The following CDH13 variants were observed in gnomAD, a reference collection of about 807,000 sequenced individuals.
CDH13 encodes cadherin-13.
A neutral mutation model predicts 63.8 loss-of-function variants in CDH13; 24 were observed. The ratio of observed to expected loss-of-function variants is 0.38; its 90% CI spans 0.27 to 0.53. The LOEUF is 0.53. Ranked by LOEUF, CDH13 falls within the 20% of genes least tolerant of loss-of-function variation. The pLI, the probability that CDH13 is intolerant of heterozygous loss-of-function variation, is 0.85. For synonymous variants in CDH13, 503 were observed against 355.3 expected (o/e 1.42, Z -4.67); for missense variants, 1,049 against 903.1 (o/e 1.16, Z -2.07).
chr16:82,742,044 G>T (rs1232804167), intron 1 of CDH13, among the ~76,000 whole-genome samples: 1 of 152,114 alleles, frequency 6.6e-6, no homozygotes, highest in East Asian at 1.9e-4. Flanking sequence ...TACAATATCA[G>T]CCCGGTTATA....
chr16:83,026,827 C>A (rs1351401068), intron 2 of CDH13, among the ~76,000 whole-genome samples: 1 of 152,122 alleles, frequency 6.6e-6, no homozygotes, highest in Non-Finnish European at 1.5e-5. Flanking sequence ...TCCAACCATT[C>A]TTTGGGGCTA....
chr16:83,051,249 A>G (rs2030302692), intron 3 of CDH13, among the ~76,000 whole-genome samples: 1 of 152,114 alleles, frequency 6.6e-6, no homozygotes, highest in South Asian at 2.1e-4. Flanking sequence ...CATTCATGTG[A>G]TTCTCCTACC....
At chr16:83,010,051 C>T (rs1913962298) in intron 2 of CDH13, among the ~76,000 whole-genome samples, 1 of 147,002 alleles carries the variant, frequency 6.8e-6, no homozygotes, top group Non-Finnish European at 1.5e-5. Flanking sequence ...AGGAGAATCA[C>T]TTCAACCCAG....
At chr16:83,171,279 G>A (rs185662011) in intron 4 of CDH13, among the ~76,000 whole-genome samples, 2 of 152,198 alleles carry the variant, frequency 1.3e-5, no homozygotes, top group African/African-American at 4.8e-5. Context: ...CACTTTTAAA[G>A]GACCAGATCT....
intron 1 of CDH13, among the ~76,000 whole-genome samples, chr16:82,667,049 C>A (rs568679221): frequency 1.3e-5 from 2 of 152,308 alleles, no homozygotes; most frequent in African/African-American, 4.8e-5. Context: ...TCTCTCCAAA[C>A]TGACAAAGGA....
chr16:83,483,576 G>A (rs2073821980), intron 6 of CDH13, among the ~76,000 whole-genome samples: 1 of 151,656 alleles, frequency 6.6e-6, no homozygotes, highest in South Asian at 2.1e-4. Context: ...GATTAAATAG[G>A]GCACAAATCC....
Position 83,800,412 on chromosome 16 carries a change from A to C in CDH13, c.*5382A>C, listed in dbSNP as rs778726598. ...ATTTTATGTATCCCCCCAGATAAAA[A>C]TTTTAAGAAATTTTAAATGCTTTTT... On this transcript the variant is annotated 3_prime_UTR_variant, in exon 14 of 14. Transcript: ENST00000567109. 6.6e-6 allele frequency: 1 copy of C among 152,200 alleles called. No individual in the cohort carries two copies. The highest frequency in any genetic ancestry group is 1.5e-5 in the Non-Finnish European group (1 of 68,024). The allele number at this position is 152,200 out of a possible 1,614,324, so 9.4% of individuals were successfully genotyped here.
chr16:83,606,422 G>A lies in CDH13; in HGVS notation c.1101+3828G>A, dbSNP rs76404856. The stretch of plus-strand genomic sequence containing the variant: ...AAATAACACTGTTGAACAAAATAGA[G>A]GTAGTTTCTCTCACTTAAAAGTTTG... On this transcript the variant is annotated intron_variant, in intron 8 of 13. Coordinates refer to ENST00000567109, the MANE Select transcript of CDH13 (RefSeq NM_001257.5). Among the ~76,000 whole-genome samples, 1,515 of 152,208 alleles carry A rather than the reference G, an allele frequency of 1.0e-2. 25 individuals carry two copies. The highest frequency in any genetic ancestry group is 0.035 in the African/African-American group (1,454 of 41,522).
At chr16:82,951,237 C>T (rs985247820) in intron 2 of CDH13, among the ~76,000 whole-genome samples, 1 of 152,122 alleles carries the variant, frequency 6.6e-6, no homozygotes, top group Non-Finnish European at 1.5e-5. Flanking sequence ...AGGATATCTC[C>T]TTCCCCCACA....
intron 10 of CDH13, among the ~76,000 whole-genome samples, chr16:83,701,871 G>A (rs1010392718): frequency 1.3e-5 from 2 of 152,148 alleles, no homozygotes; most frequent in African/African-American, 2.4e-5. Context: ...TAATGTCTGC[G>A]TATTTGCTGG....
intron 4 of CDH13, among the ~76,000 whole-genome samples, chr16:83,167,017 GA>G (rs2037705653): frequency 6.6e-6 from 1 of 152,082 alleles, no homozygotes; most frequent in Non-Finnish European, 1.5e-5. Context: ...TACTTTTTGA[GA>G]AGTTGCAAGT....
At chr16:83,266,780 A>G (rs78314939) in intron 5 of CDH13, among the ~76,000 whole-genome samples, 2 of 152,050 alleles carry the variant, frequency 1.3e-5, no homozygotes, top group East Asian at 1.9e-4. Flanking sequence ...TATGAAGTAC[A>G]CTTTTCTTCT....
intron 1 of CDH13, among the ~76,000 whole-genome samples, chr16:82,758,164 T>C (rs370387229): frequency 2.0e-5 from 3 of 151,998 alleles, no homozygotes; most frequent in African/African-American, 7.3e-5. Flanking sequence ...CTGGTCAAAA[T>C]TGAGGAATGG....
intron 7 of CDH13, among the ~76,000 whole-genome samples, chr16:83,550,059 C>G (rs1262163249): frequency 6.6e-6 from 1 of 152,238 alleles, no homozygotes; most frequent in Non-Finnish European, 1.5e-5. Context: ...TGGGGATGCT[C>G]TTGCCTTCTA....
At chr16:83,620,043 G>A (rs1480788196) in intron 8 of CDH13, among the ~76,000 whole-genome samples, 4 of 152,058 alleles carry the variant, frequency 2.6e-5, no homozygotes, top group Middle Eastern at 3.2e-3. Flanking sequence ...CCCACAAGAC[G>A]AGGAGGCTGG....
chr16:82,796,793 C>T (rs1188487475), intron 1 of CDH13, among the ~76,000 whole-genome samples: 1 of 152,160 alleles, frequency 6.6e-6, no homozygotes, highest in Non-Finnish European at 1.5e-5. Context: ...CAGAGGAAGG[C>T]TTTAAGACAG....
chr16:83,519,177 C>T (rs1265290740), intron 7 of CDH13, among the ~76,000 whole-genome samples: 3 of 152,178 alleles, frequency 2.0e-5, no homozygotes, highest in Non-Finnish European at 4.4e-5. Context: ...GGTTAGGAGG[C>T]AGTTCCTACA....
At chr16:82,996,639 T>A (rs1912233177) in intron 2 of CDH13, among the ~76,000 whole-genome samples, 1 of 152,180 alleles carries the variant, frequency 6.6e-6, no homozygotes, top group Admixed American at 6.5e-5. Context: ...AGCCTTGTAA[T>A]AAAAATGAGG....
intron 5 of CDH13, among the ~76,000 whole-genome samples, chr16:83,329,442 G>C (rs1393963872): frequency 6.6e-6 from 1 of 151,108 alleles, no homozygotes; most frequent in Admixed American, 6.6e-5. Flanking sequence ...TCGCCATGTT[G>C]GCGAGGCTGG....
Sources: allele counts gnomAD v4.1 joint callset (sites outside exome capture counted in the v4.1 genomes callset), GRCh38; gene constraint gnomAD v4.1.1; transcripts MANE v1.5; gene names NCBI Gene and HGNC (gene_info 2026-07-23, HGNC 2026-07-21).